Variants in SEMA3A observed in about 807,000 individuals in gnomAD.
SEMA3A encodes semaphorin-3A.
In SEMA3A, 29 loss-of-function variants were observed where a neutral mutation model predicts 97.9. The ratio of observed to expected loss-of-function variants is 0.30; its 90% confidence interval spans 0.22 to 0.40. The LOEUF (loss-of-function observed/expected upper bound fraction) is 0.40. Ranked by LOEUF, SEMA3A falls within the 10% of genes least tolerant of loss-of-function variation. The pLI, the probability that SEMA3A is intolerant of heterozygous loss-of-function variation, is 1.00. For synonymous variants in SEMA3A, 321 were observed against 323.7 expected (o/e 0.99, Z 0.09); for missense variants, 763 against 951.3 (o/e 0.80, Z 2.60).
chr7:84,074,564 C>G (rs1766251477), intron 4 of SEMA3A, among the ~76,000 whole-genome samples: 1 of 151,892 alleles, frequency 6.6e-6, no homozygotes, highest in South Asian at 2.1e-4. Context: ...CAATAAATTC[C>G]TGCAAATAAG....
At chr7:84,194,080 A>G (rs1262307804) in intron 1 of SEMA3A, among the ~76,000 whole-genome samples, 3 of 152,140 alleles carry the variant, frequency 2.0e-5, no homozygotes, top group Non-Finnish European at 4.4e-5. Flanking sequence ...AATGCAATTC[A>G]TCATAGTAAT....
intron 1 of SEMA3A, among the ~76,000 whole-genome samples, chr7:84,488,393 C>T (rs1246388124): frequency 1.3e-5 from 2 of 151,366 alleles, no homozygotes; most frequent in African/African-American, 2.4e-5. Flanking sequence ...AATTCAATTG[C>T]CATTCTATCT....
At position 84,122,905 on chromosome 7, in the gene SEMA3A, T is replaced by G. The variant is rs548844304; in HGVS notation, c.333+6218A>C. Among the ~76,000 whole-genome samples the G allele has an allele frequency of 2.6e-5, 4 of 152,306 alleles. 1 individual carries two copies. Among genetic ancestry groups the G allele is most frequent in the Admixed American group, 2.6e-4 (4 of 15,284 alleles). ...ATAAAAATAAATCCCTCAAGAATTTTAAAAAGTCTCAAAGTTCAGGTGCAT... is the reference window on the plus strand; with the variant it reads ...ATAAAAATAAATCCCTCAAGAATTTGAAAAAGTCTCAAAGTTCAGGTGCAT... On this transcript the variant is annotated intron_variant, in intron 3 of 16. Transcript: ENST00000265362.
At chr7:84,130,861 CAT>C (rs1795941718) in intron 2 of SEMA3A, among the ~76,000 whole-genome samples, 1 of 151,950 alleles carries the variant, frequency 6.6e-6, no homozygotes, top group Non-Finnish European at 1.5e-5. Context: ...ATTGTTAAAA[CAT>C]ATATATGTTT....
At chr7:84,174,794 T>C (rs1797509542) in intron 1 of SEMA3A, among the ~76,000 whole-genome samples, 1 of 152,206 alleles carries the variant, frequency 6.6e-6, no homozygotes, top group African/African-American at 2.4e-5. Context: ...TCAATACGCT[T>C]AGAAGAAAGC....
intron 1 of SEMA3A, among the ~76,000 whole-genome samples, chr7:84,473,957 A>G (rs1806216472): frequency 1.3e-5 from 2 of 152,200 alleles, no homozygotes; most frequent in Admixed American, 1.3e-4. Context: ...CACATAAGTC[A>G]GGATCTTGTT....
At chr7:84,406,498 G>C (rs1804093216) in intron 1 of SEMA3A, among the ~76,000 whole-genome samples, 2 of 152,124 alleles carry the variant, frequency 1.3e-5, no homozygotes, top group African/African-American at 4.8e-5. Context: ...CATTCCTTCT[G>C]AAACTATTCC....
chr7:83,989,127 A>C (rs1789773964), intron 12 of SEMA3A, among the ~76,000 whole-genome samples: 2 of 152,168 alleles, frequency 1.3e-5, no homozygotes, highest in South Asian at 2.1e-4. Context: ...AGCTTATTTC[A>C]TGAAGGTTTT....
At chr7:84,195,477 A>C (rs1798202333), upstream of SEMA3A, 2 of 151,498 alleles carry the variant, frequency 1.3e-5, no homozygotes, top group Non-Finnish European at 2.9e-5. Flanking sequence ...ATACAACTTT[A>C]ACCACTGAAG....
At position 83,961,261 on chromosome 7, in the gene SEMA3A, G is replaced by T; in HGVS notation, c.*110C>A. On this transcript the variant is annotated 3_prime_UTR_variant, in exon 17 of 17. Coordinates refer to ENST00000265362, the MANE Select transcript of SEMA3A (RefSeq NM_006080.3). ...GAACTCAGCTGAATTTCCCACCATT[G>T]TAAACATCCACATAATGCCATGAAA... 2 of 854,958 alleles carry T rather than the reference G, an allele frequency of 2.3e-6. No homozygotes were observed. Among genetic ancestry groups the T allele is most frequent in the Non-Finnish European group, 3.8e-6 (2 of 524,396 alleles). 53.0% of individuals were successfully genotyped at this position (854,958 alleles called of 1,614,324 possible).
chr7:84,415,001 A>G (rs776619419), intron 1 of SEMA3A, among the ~76,000 whole-genome samples: 10 of 152,090 alleles, frequency 6.6e-5, no homozygotes, highest in Non-Finnish European at 1.2e-4. Context: ...TCTAGCTCAC[A>G]TCACTTAATA....
intron 1 of SEMA3A, among the ~76,000 whole-genome samples, chr7:84,463,118 T>G (rs1363216511): frequency 6.6e-6 from 1 of 152,124 alleles, no homozygotes; most frequent in African/African-American, 2.4e-5. Context: ...CTGTTTTTCA[T>G]TTTTTAATAT....
intron 12 of SEMA3A, among the ~76,000 whole-genome samples, chr7:83,986,731 C>T (rs1219291158): frequency 6.6e-6 from 1 of 152,140 alleles, no homozygotes; most frequent in African/African-American, 2.4e-5. Context: ...AAGAGCTGGA[C>T]TCTGGAGCCC....
intron 2 of SEMA3A, among the ~76,000 whole-genome samples, chr7:84,314,219 G>A (rs1801438923): frequency 6.6e-6 from 1 of 152,008 alleles, no homozygotes; most frequent in African/African-American, 2.4e-5. Context: ...TTCAGTCAGT[G>A]AGTCTATCTA....
upstream of SEMA3A, chr7:84,195,024 A>AGAGAGAAAGAGAGAGAGAGAG (rs1798179833): frequency 5.0e-5 from 7 of 140,566 alleles, no homozygotes; most frequent in African/African-American, 1.9e-4. Context: ...GAGAGAGAGA[A>AGAGAGAAAGAGAGAGAGAGAG]AGAGAGAGAG....
intron 1 of SEMA3A, among the ~76,000 whole-genome samples, chr7:84,400,510 G>C (rs1180064465): frequency 6.6e-6 from 1 of 152,130 alleles, no homozygotes; most frequent in East Asian, 1.9e-4. Flanking sequence ...AAATGCATTA[G>C]AGTGTCTCAA....
chr7:84,342,408 A>G (rs577909212), intron 2 of SEMA3A, among the ~76,000 whole-genome samples: 24 of 152,326 alleles, frequency 1.6e-4, no homozygotes, highest in African/African-American at 5.5e-4. Context: ...CATCTACACG[A>G]TGAAGGCCAT....
intron 1 of SEMA3A, among the ~76,000 whole-genome samples, chr7:84,435,402 G>T (rs1228944): frequency 0.18 from 27,005 of 152,136 alleles, 2,542 homozygotes; most frequent in Middle Eastern, 0.23. Context: ...GAGGTCAGGA[G>T]ATCGAGACAA....
chr7:84,230,032 T>G (rs1486906839), intron 3 of SEMA3A, among the ~76,000 whole-genome samples: 1 of 151,956 alleles, frequency 6.6e-6, no homozygotes, highest in Admixed American at 6.6e-5. Flanking sequence ...CCTAAGTAAG[T>G]CATTAATGAT....
Sources: allele counts gnomAD v4.1 joint callset (sites outside exome capture counted in the v4.1 genomes callset), GRCh38; gene constraint gnomAD v4.1.1; transcripts MANE v1.5; gene names NCBI Gene and HGNC (gene_info 2026-07-23, HGNC 2026-07-21).